Variants in SSBP2 observed in about 807,000 individuals in gnomAD.
The protein encoded by SSBP2 is single-stranded DNA-binding protein 2.
In SSBP2, 17 loss-of-function variants were observed where a neutral mutation model predicts 61.8. That is an observed-to-expected ratio of 0.28 (90% CI 0.19 to 0.41). The LOEUF is 0.41. Ranked by LOEUF, SSBP2 falls within the 10% of genes least tolerant of loss-of-function variation. The pLI, the probability that SSBP2 is intolerant of heterozygous loss-of-function variation, is 1.00. For missense variants in SSBP2, 310 were observed against 458.7 expected, an observed-to-expected ratio of 0.68 and a Z score of 2.96; for synonymous variants, 139 against 141.3, an observed-to-expected ratio of 0.98 and a Z score of 0.12.
Position 81,715,874 on chromosome 5 carries a change from T to A in SSBP2, c.62+35107A>T, listed in dbSNP as rs184164902. Among the ~76,000 whole-genome samples the A allele has an allele frequency of 2.8e-3, 423 of 152,120 alleles. 4 individuals carry two copies. The highest frequency in any genetic ancestry group is 0.024 in the Admixed American group (364 of 15,270). ...GAGTTCGAGACCAGCCTGAGCAGTA[T>A]ACTGAGATCTTGTCTCTACAAAAAA... On this transcript the variant is annotated intron_variant, in intron 1 of 16. Transcript: ENST00000320672.
intron 4 of SSBP2, among the ~76,000 whole-genome samples, chr5:81,574,770 A>G (rs1273943740): frequency 1.3e-5 from 2 of 152,248 alleles, no homozygotes; most frequent in Non-Finnish European, 2.9e-5. Context: ...AAGCCGGAAC[A>G]CACAGGAATG....
At chr5:81,664,031 C>T (rs1750911117) in intron 1 of SSBP2, among the ~76,000 whole-genome samples, 1 of 152,036 alleles carries the variant, frequency 6.6e-6, no homozygotes, top group Admixed American at 6.5e-5. Flanking sequence ...AATGGCTCTT[C>T]CTAATTTCTC....
intron 2 of SSBP2, among the ~76,000 whole-genome samples, chr5:81,645,467 T>G (rs971003234): frequency 5.9e-5 from 9 of 152,172 alleles, no homozygotes; most frequent in African/African-American, 1.7e-4. Context: ...ATGCAAAAAT[T>G]TTAAGAAAGG....
chr5:81,600,444 C>T (rs570526153), intron 4 of SSBP2, among the ~76,000 whole-genome samples: 5 of 151,574 alleles, frequency 3.3e-5, no homozygotes, highest in African/African-American at 4.8e-5. Flanking sequence ...GCCTGTAGTT[C>T]CAGCTAACCC....
At chr5:81,530,479 G>T (rs1770304698) in intron 4 of SSBP2, among the ~76,000 whole-genome samples, 1 of 151,422 alleles carries the variant, frequency 6.6e-6, no homozygotes, top group Non-Finnish European at 1.5e-5. Flanking sequence ...TCATCATCTT[G>T]TTGATGATTG....
chr5:81,449,242 CTA>C (rs1208972761), intron 10 of SSBP2, among the ~76,000 whole-genome samples: 1 of 152,092 alleles, frequency 6.6e-6, no homozygotes, highest in Non-Finnish European at 1.5e-5. Context: ...TCTCCAAAGA[CTA>C]TTAATTTGTG....
At chr5:81,515,819 A>G (rs74598966) in intron 4 of SSBP2, among the ~76,000 whole-genome samples, 2,667 of 151,996 alleles carry the variant, frequency 0.018, 88 homozygotes, top group African/African-American at 0.061. Flanking sequence ...GCAAAACAAA[A>G]TAAATCATTT....
At chr5:81,552,060 C>T (rs962427784) in intron 4 of SSBP2, among the ~76,000 whole-genome samples, 4 of 152,146 alleles carry the variant, frequency 2.6e-5, no homozygotes, top group Admixed American at 6.5e-5. Flanking sequence ...ATTCACTTGA[C>T]ATTAGGAAAA....
At chr5:81,527,980 T>G (rs1279644097) in intron 4 of SSBP2, among the ~76,000 whole-genome samples, 1 of 151,578 alleles carries the variant, frequency 6.6e-6, no homozygotes, top group Non-Finnish European at 1.5e-5. Flanking sequence ...AACAATTGAC[T>G]ACCATCTTAG....
At chr5:81,609,171 T>G (rs1280843040) in intron 4 of SSBP2, among the ~76,000 whole-genome samples, 1 of 152,208 alleles carries the variant, frequency 6.6e-6, no homozygotes, top group Non-Finnish European at 1.5e-5. Context: ...TGCTTTTCAG[T>G]GGGATAATTT....
chr5:81,534,979 A>C (rs748239067), intron 4 of SSBP2, among the ~76,000 whole-genome samples: 6 of 151,936 alleles, frequency 3.9e-5, no homozygotes, highest in African/African-American at 7.3e-5. Context: ...ACACACACAC[A>C]CCCCTTACTG....
At position 81,486,962 on chromosome 5, in the gene SSBP2, T is replaced by C. The variant is rs6892248; in HGVS notation, c.432+2288A>G. ...ACTAGAAGCAGAGAGCACCAGCAGA[T>C]TGAGACACCTCAAAGATAGCATAAT... On this transcript the variant is annotated intron_variant, in intron 6 of 16. Transcript: ENST00000320672. Among the ~76,000 whole-genome samples, 1,040 of 152,266 alleles carry C rather than the reference T, an allele frequency of 6.8e-3. 12 individuals carry two copies. Among genetic ancestry groups the C allele is most frequent in the African/African-American group, 0.024 (996 of 41,572 alleles).
intron 4 of SSBP2, among the ~76,000 whole-genome samples, chr5:81,561,250 G>T (rs1396567337): frequency 6.6e-6 from 1 of 152,032 alleles, no homozygotes; most frequent in Non-Finnish European, 1.5e-5. Flanking sequence ...AAGAGACTGA[G>T]AATAGAAAAA....
chr5:81,505,749 A>G (rs1768136240), intron 5 of SSBP2, among the ~76,000 whole-genome samples: 1 of 152,206 alleles, frequency 6.6e-6, no homozygotes, highest in South Asian at 2.1e-4. Flanking sequence ...GTTTCATACT[A>G]AATGTGTTGG....
intron 12 of SSBP2, 103 bp from the exon 13 acceptor site, chr5:81,442,826 A>G (rs1763120487): frequency 3.8e-6 from 2 of 521,616 alleles, no homozygotes; most frequent in Admixed American, 3.8e-5. Flanking sequence ...ACCTCTCTCT[A>G]TATAAGCTGC....
chr5:81,460,519 T>C (rs949571571), intron 10 of SSBP2, among the ~76,000 whole-genome samples: 1 of 152,152 alleles, frequency 6.6e-6, no homozygotes, highest in African/African-American at 2.4e-5. Context: ...CACAAATATA[T>C]AAGGAAAATT....
intron 15 of SSBP2, among the ~76,000 whole-genome samples, chr5:81,434,048 T>C (rs1762513703): frequency 6.6e-6 from 1 of 152,222 alleles, no homozygotes; most frequent in Admixed American, 6.5e-5. Context: ...TGAACTAAAA[T>C]CTTTATGTTA....
At chr5:81,740,540 G>GT (rs1382709345) in intron 1 of SSBP2, among the ~76,000 whole-genome samples, 1 of 152,186 alleles carries the variant, frequency 6.6e-6, no homozygotes, top group Non-Finnish European at 1.5e-5. Context: ...TACTGCTCCT[G>GT]TATCACACGG....
chr5:81,575,501 G>A (rs1774148124), intron 4 of SSBP2, among the ~76,000 whole-genome samples: 1 of 151,818 alleles, frequency 6.6e-6, no homozygotes. Context: ...ATAATCTCTG[G>A]GATAAGCATA....
Sources: allele counts gnomAD v4.1 joint callset (sites outside exome capture counted in the v4.1 genomes callset), GRCh38; gene constraint gnomAD v4.1.1; transcripts MANE v1.5; gene names NCBI Gene and HGNC (gene_info 2026-07-23, HGNC 2026-07-21).